CEP112: variants seen among roughly 807,000 people sequenced by gnomAD.
CEP112 encodes centrosomal protein of 112 kDa.
CEP112 carries 127 observed loss-of-function variants against 153.0 expected under a neutral mutation model. That is an observed-to-expected ratio of 0.83 (90% CI 0.72 to 0.96). The LOEUF (loss-of-function observed/expected upper bound fraction) is 0.96, where lower values mean the gene tolerates loss of function less well. Ranked by LOEUF, CEP112 falls within the 40% of genes least tolerant of loss-of-function variation. The pLI is 0.00. For missense variants in CEP112, 1,089 were observed against 1,101.2 expected (o/e 0.99, Z 0.16); for synonymous variants, 358 against 374.4 (o/e 0.96, Z 0.51).
chr17:65,651,014 G>T (rs73351256), intron 24 of CEP112, among the ~76,000 whole-genome samples: 21,531 of 151,844 alleles, frequency 0.14, 1,866 homozygotes, highest in East Asian at 0.46. Flanking sequence ...TGGTGATTTG[G>T]GAAAATTTGG....
chr17:65,727,985 T>A (rs1472827103), intron 23 of CEP112, among the ~76,000 whole-genome samples: 3 of 152,216 alleles, frequency 2.0e-5, no homozygotes, highest in African/African-American at 4.8e-5. Context: ...GTTGGCAAAC[T>A]ACAGCCAGCT....
chr17:65,671,827 G>T (rs945827103), intron 24 of CEP112, among the ~76,000 whole-genome samples: 1 of 152,064 alleles, frequency 6.6e-6, no homozygotes, highest in Non-Finnish European at 1.5e-5. Flanking sequence ...GTAGCTATTA[G>T]AAATCCTCAG....
chr17:65,688,799 T>A (rs964005439), intron 24 of CEP112: 1 of 184,030 alleles, frequency 5.4e-6, no homozygotes. Flanking sequence ...CGGAGTTTTG[T>A]TCTTGTCACC....
At chr17:65,861,679 A>G (rs2058314215) in intron 20 of CEP112, among the ~76,000 whole-genome samples, 1 of 152,208 alleles carries the variant, frequency 6.6e-6, no homozygotes, top group African/African-American at 2.4e-5. Flanking sequence ...AATGCAAATT[A>G]AGGCTATTTT....
chr17:66,186,024 T>TTCTC (rs550194871), intron 1 of CEP112, among the ~76,000 whole-genome samples: 41 of 146,152 alleles, frequency 2.8e-4, no homozygotes, highest in African/African-American at 4.8e-4. Flanking sequence ...ATCTCTCTCA[T>TTCTC]TCTCTCTCTC....
intron 21 of CEP112, among the ~76,000 whole-genome samples, chr17:65,846,841 C>T (rs942833408): frequency 1.9e-4 from 29 of 152,134 alleles, no homozygotes; most frequent in African/African-American, 6.8e-4. Context: ...CTTTTATTCA[C>T]TCACTTAATA....
chr17:65,828,175 G>C (rs757507024), intron 21 of CEP112, among the ~76,000 whole-genome samples: 8 of 152,170 alleles, frequency 5.3e-5, no homozygotes, highest in Non-Finnish European at 1.0e-4. Context: ...TGAAAGCAAT[G>C]GGTGTGTGCC....
intron 20 of CEP112, among the ~76,000 whole-genome samples, chr17:65,853,255 G>A (rs1291978963): frequency 9.9e-5 from 15 of 152,038 alleles, no homozygotes; most frequent in Admixed American, 9.8e-4. Context: ...TTTCCTGACA[G>A]TCACTGTGCC....
intron 17 of CEP112, among the ~76,000 whole-genome samples, chr17:65,998,508 G>A (rs905679529): frequency 6.6e-6 from 1 of 151,134 alleles, no homozygotes; most frequent in Non-Finnish European, 1.5e-5. Flanking sequence ...TTATTTTTAT[G>A]GTGTGAGAAT....
intron 12 of CEP112, among the ~76,000 whole-genome samples, chr17:66,046,643 T>C (rs1187927030): frequency 6.6e-6 from 1 of 152,224 alleles, no homozygotes; most frequent in Non-Finnish European, 1.5e-5. Context: ...CAATCTCCCG[T>C]ACCTATGAGT....
chr17:65,706,659 C>T (rs1176806663), intron 23 of CEP112, among the ~76,000 whole-genome samples: 1 of 152,198 alleles, frequency 6.6e-6, no homozygotes, highest in Non-Finnish European at 1.5e-5. Flanking sequence ...ATATTCAGAT[C>T]TAGATTAACG....
chr17:65,936,960 C>T (rs1471375624), intron 18 of CEP112, among the ~76,000 whole-genome samples: 10 of 151,192 alleles, frequency 6.6e-5, no homozygotes, highest in East Asian at 2.0e-4. Context: ...CGATTGCAGG[C>T]GCACGTCACC....
intron 16 of CEP112, among the ~76,000 whole-genome samples, chr17:66,012,720 G>A (rs759369187): frequency 1.3e-5 from 2 of 152,070 alleles, no homozygotes; most frequent in Non-Finnish European, 1.5e-5. Flanking sequence ...TGGTCTTCTT[G>A]TGGAGTACTT....
chr17:65,944,782 G>C (rs1230988073), intron 18 of CEP112, among the ~76,000 whole-genome samples: 4 of 151,788 alleles, frequency 2.6e-5, no homozygotes, highest in Non-Finnish European at 5.9e-5. Context: ...TCAAGATAGG[G>C]GGTCTCCTTC....
intron 20 of CEP112, among the ~76,000 whole-genome samples, chr17:65,855,370 C>T (rs2058089506): frequency 6.6e-6 from 1 of 152,206 alleles, no homozygotes; most frequent in Non-Finnish European, 1.5e-5. Context: ...CAGGCACAGA[C>T]TTCTCTGAAC....
rs756550480 is a variant in CEP112, at chr17:65,635,999, G to A, written c.2865-25C>T. 8 of 1,594,294 alleles carry A rather than the reference G, an allele frequency of 5.0e-6. No homozygotes were observed. In the East Asian group the frequency reaches 6.7e-5, roughly 13 times the overall value. On this transcript the variant is annotated intron_variant, in intron 26 of 26. Coordinates refer to ENST00000535342, the MANE Select transcript of CEP112 (RefSeq NM_001199165.4). ...CCTGTAAACCAAAAATCGCAGTCAC[G>A]ACTTTCTCTAGGTTTAACAGGTATG... is the stretch of plus-strand genomic sequence containing the variant.
intron 16 of CEP112, among the ~76,000 whole-genome samples, chr17:66,007,433 C>T (rs1294765808): frequency 2.0e-5 from 3 of 152,156 alleles, no homozygotes; most frequent in Non-Finnish European, 4.4e-5. Context: ...TTACCATGTT[C>T]AAGTGTTTAA....
rs189841595 is a variant in CEP112 at position 65,975,364 on chromosome 17, T to G, written c.1737-13766A>C. Among the ~76,000 whole-genome samples, 132 of 152,302 alleles carry G rather than the reference T, an allele frequency of 8.7e-4. 3 individuals are homozygous for G. The South Asian group carries it at 8.9e-3, about 10-fold the overall frequency. ...TGTGAGTTCATACTTTCTATATATTTAGAGAGATATAGAAATATAGATGTA... is the reference window on the plus strand; with the variant it reads ...TGTGAGTTCATACTTTCTATATATTGAGAGAGATATAGAAATATAGATGTA... On this transcript the variant is annotated intron_variant, in intron 17 of 26. Transcript: ENST00000535342.
chr17:66,005,884 T>C (rs564452833), intron 16 of CEP112, 115 bp from the exon 17 acceptor site: 1 of 902,956 alleles, frequency 1.1e-6, no homozygotes, highest in East Asian at 2.8e-5. Flanking sequence ...AAATTAGATT[T>C]AGATATTTCA....
Sources: allele counts gnomAD v4.1 joint callset (sites outside exome capture counted in the v4.1 genomes callset), GRCh38; gene constraint gnomAD v4.1.1; transcripts MANE v1.5; gene names NCBI Gene and HGNC (gene_info 2026-07-23, HGNC 2026-07-21).